ACOT11: variants seen among roughly 807,000 people sequenced by gnomAD.
The protein encoded by ACOT11 is acyl-coenzyme A thioesterase 11.
Under a neutral mutation model 77.5 loss-of-function variants are expected in ACOT11, and 69 were observed. The observed-to-expected ratio is 0.89, with a 90% CI of 0.73 to 1.09. The LOEUF is 1.09. Among genes scored for constraint, ACOT11 ranks in the 50% least tolerant of loss-of-function variants. The pLI is 0.00. For missense variants in ACOT11, 766 were observed against 813.7 expected, an observed-to-expected ratio of 0.94 and a Z score of 0.71; for synonymous variants, 279 against 313.0, an observed-to-expected ratio of 0.89 and a Z score of 1.15.
chr1:54,612,340 A>G (rs2101015656), downstream of ACOT11: 1 of 617,014 alleles, frequency 1.6e-6, no homozygotes, highest in Non-Finnish European at 2.9e-6. Context: ...GTATGCAAGC[A>G]GAAAGCAGGG....
chr1:54,558,468 T>C (rs1395087693), intron 1 of ACOT11, among the ~76,000 whole-genome samples: 3 of 152,126 alleles, frequency 2.0e-5, no homozygotes, highest in East Asian at 1.9e-4. Flanking sequence ...TGGGATTAAA[T>C]TGAGACTGTC....
Position 54,610,139 on chromosome 1 carries a change from G to T in ACOT11, c.*1027G>T, listed in dbSNP as rs747092521. On this transcript the variant is annotated 3_prime_UTR_variant, in exon 16 of 16. Transcript: ENST00000343744. ...TGGTGCATGAGAAACTCTTGTTTCA[G>T]CTCTTGGCCTTTACCCATGACTCAG... is the stretch of plus-strand genomic sequence containing the variant. 3 of 1,433,324 alleles carry T rather than the reference G, an allele frequency of 2.1e-6. No individual in the cohort carries two copies. The highest frequency in any genetic ancestry group is 2.7e-6 in the Non-Finnish European group (3 of 1,099,368). The allele number at this position is 1,433,324 out of a possible 1,614,324, so 88.8% of individuals were successfully genotyped here. A position where few individuals can be genotyped will look rare whatever the true frequency, so the allele number is the denominator to read the frequency against.
chr1:54,596,386 C>T (rs993742049), intron 6 of ACOT11, among the ~76,000 whole-genome samples: 2 of 152,186 alleles, frequency 1.3e-5, no homozygotes, highest in Admixed American at 6.5e-5. Flanking sequence ...AGACAAATGA[C>T]ACCACCTTGG....
intron 1 of ACOT11, among the ~76,000 whole-genome samples, chr1:54,578,776 A>G (rs1399772125): frequency 6.6e-6 from 1 of 152,178 alleles, no homozygotes; most frequent in Non-Finnish European, 1.5e-5. Context: ...TTGGAAGCCC[A>G]AAGAGGAATG....
chr1:54,604,278 C>T, intron 11 of ACOT11, 68 bp from the exon 12 acceptor site: 1 of 1,482,656 alleles, frequency 6.7e-7, no homozygotes, highest in Non-Finnish European at 9.4e-7. Context: ...CTGGCACACC[C>T]TTGGCCTTGG....
At position 54,597,240 on chromosome 1, in the gene ACOT11, T is replaced by G; in HGVS notation, c.608-19T>G. The G allele has an allele frequency of 6.2e-7, 1 of 1,608,904 alleles. No homozygotes were observed. The highest frequency in any genetic ancestry group is 8.5e-7 in the Non-Finnish European group (1 of 1,179,988). On this transcript the variant is annotated intron_variant, in intron 6 of 15. Transcript: ENST00000343744. ...GTTCTCACCTCCCTGCTTCCCTCCC[T>G]TATCCCATCCCTGGTCAGATCTGGA... is the stretch of plus-strand genomic sequence containing the variant.
chr1:54,587,512 C>T (rs1023769515), intron 3 of ACOT11, among the ~76,000 whole-genome samples: 15 of 149,800 alleles, frequency 1.0e-4, no homozygotes, highest in African/African-American at 3.7e-4. Flanking sequence ...GAGAGCGAGC[C>T]TCCATCTCAA....
intron 15 of ACOT11, chr1:54,623,139 T>G: frequency 3.3e-6 from 2 of 612,636 alleles, no homozygotes; most frequent in Non-Finnish European, 2.9e-6. Flanking sequence ...ATCGTGCCAT[T>G]GTACTCCAGC....
intron 8 of ACOT11, among the ~76,000 whole-genome samples, chr1:54,600,817 C>T (rs913964809): frequency 1.3e-5 from 2 of 152,356 alleles, no homozygotes; most frequent in Non-Finnish European, 2.9e-5. Context: ...CCGTCCACCT[C>T]CACCTCCTGG....
At chr1:54,585,142 G>A (rs1654452350) in intron 2 of ACOT11, among the ~76,000 whole-genome samples, 1 of 152,176 alleles carries the variant, frequency 6.6e-6, no homozygotes, top group Admixed American at 6.5e-5. Context: ...GCTTCAGATT[G>A]GCTTGGAGAT....
chr1:54,624,563 A>T (rs1412532391), intron 15 of ACOT11, among the ~76,000 whole-genome samples: 1 of 152,108 alleles, frequency 6.6e-6, no homozygotes, highest in Admixed American at 6.6e-5. Context: ...ATGGAGGCTG[A>T]CTTCTGGGGA....
chr1:54,625,663 C>T (rs1053946298), intron 15 of ACOT11, among the ~76,000 whole-genome samples: 3 of 152,146 alleles, frequency 2.0e-5, no homozygotes, highest in African/African-American at 7.2e-5. Flanking sequence ...CTGAGCCAGG[C>T]GCGGTGGCTC....
intron 4 of ACOT11, 39 bp downstream of exon 4, chr1:54,592,645 G>C (rs998328051): frequency 6.2e-7 from 1 of 1,605,214 alleles, no homozygotes; most frequent in East Asian, 2.2e-5. Flanking sequence ...GGGTGCGTGG[G>C]TGGGTCCTCT....
At chr1:54,610,481 C>G (rs143979424), downstream of ACOT11, 2 of 1,500,922 alleles carry the variant, frequency 1.3e-6, no homozygotes, top group South Asian at 2.2e-5. Context: ...ACATTCAGAC[C>G]GTCATCCCCA....
At chr1:54,615,500 A>C (rs907658580) in intron 15 of ACOT11, among the ~76,000 whole-genome samples, 5 of 152,066 alleles carry the variant, frequency 3.3e-5, no homozygotes, top group African/African-American at 1.2e-4. Flanking sequence ...GGAAGGGCTG[A>C]ATTTGGGGCA....
In ACOT11 at chr1:54,623,487, C is replaced by T; in HGVS notation, c.1630-7247C>T. 3.4e-6 allele frequency: 3 copies of T among 887,298 alleles called. No individual in the cohort carries two copies. The Admixed American group carries it at 5.6e-5, about 17-fold the overall frequency. The allele number at this position is 887,298 out of a possible 1,614,324, so 55.0% of individuals were successfully genotyped here. ...GGAATCCTGTGGGAGGCAGGAGCTC[C>T]CAGCAGCACCTAATTCTCCACCGGG... is the stretch of plus-strand genomic sequence containing the variant. On this transcript the variant is annotated intron_variant, in intron 15 of 16. Coordinates refer to the ACOT11 transcript ENST00000371316.
At chr1:54,594,801 C>T (rs1654841010) in intron 6 of ACOT11, 110 bp downstream of exon 6, 2 of 1,451,014 alleles carry the variant, frequency 1.4e-6, no homozygotes, top group East Asian at 2.4e-5. Flanking sequence ...GGGACTTCCA[C>T]CCACTGGTGG....
chr1:54,608,549 C>A (rs942177977), intron 15 of ACOT11, among the ~76,000 whole-genome samples: 1 of 152,138 alleles, frequency 6.6e-6, no homozygotes, highest in African/African-American at 2.4e-5. Flanking sequence ...AGAGACTCAG[C>A]CGGTGTTTGC....
intron 15 of ACOT11, among the ~76,000 whole-genome samples, chr1:54,628,995 G>T (rs1257933874): frequency 8.1e-6 from 1 of 122,992 alleles, no homozygotes; most frequent in Non-Finnish European, 1.8e-5. Context: ...GGAGGCAGAG[G>T]TTGCAGTGAG....
Sources: allele counts gnomAD v4.1 joint callset (sites outside exome capture counted in the v4.1 genomes callset), GRCh38; gene constraint gnomAD v4.1.1; transcripts MANE v1.5; gene names NCBI Gene and HGNC (gene_info 2026-07-23, HGNC 2026-07-21).